Variants in TSPAN1 observed in about 807,000 individuals in gnomAD.
The protein encoded by TSPAN1 is tetraspanin-1.
A neutral mutation model predicts 26.9 loss-of-function variants in TSPAN1; 23 were observed. The ratio of observed to expected loss-of-function variants is 0.85; its 90% confidence interval spans 0.62 to 1.21. The LOEUF is 1.21. Ranked by LOEUF, TSPAN1 falls within the 50% of genes most tolerant of loss-of-function variation. The pLI is 0.00. For synonymous variants in TSPAN1, 115 were observed against 114.8 expected (o/e 1.00, Z -0.01); for missense variants, 283 against 298.4 (o/e 0.95, Z 0.38).
At chr1:46,195,582 C>T in the TSPAN1 span, 1 of 600,394 alleles carries the variant, frequency 1.7e-6, no homozygotes, top group Non-Finnish European at 3.1e-6. Context: ...GGTGGGGACT[C>T]TGTCTTGTTT....
intron 4 of TSPAN1, 75 bp from the exon 5 acceptor site, chr1:46,184,519 C>CA (rs527800949): frequency 4.9e-5 from 77 of 1,561,418 alleles, no homozygotes; most frequent in East Asian, 3.6e-4. Context: ...CTCACTTTTC[C>CA]GGGGGGGGGA....
At chr1:46,194,902 G>C in the TSPAN1 span, 1 of 1,614,144 alleles carries the variant, frequency 6.2e-7, no homozygotes, top group Non-Finnish European at 8.5e-7. Flanking sequence ...GGCCAGCCTG[G>C]CTGCCCAGGC....
intron 3 of TSPAN1, chr1:46,183,964 T>C: frequency 3.4e-6 from 2 of 586,774 alleles, no homozygotes; most frequent in South Asian, 4.1e-5. Flanking sequence ...CTAGAACCCC[T>C]GATCTCCTTT....
At chr1:46,182,326 G>GT (rs2148143142) in intron 3 of TSPAN1, among the ~76,000 whole-genome samples, 1 of 8,574 alleles carries the variant, frequency 1.2e-4, no homozygotes, top group Admixed American at 2.4e-3. Flanking sequence ...AAGCCACTGT[G>GT]AAGGAGATGG....
chr1:46,193,119 CT>C, the TSPAN1 span: 1 of 1,612,520 alleles, frequency 6.2e-7, no homozygotes, highest in Non-Finnish European at 8.5e-7. Flanking sequence ...AGGCCCAGAC[CT>C]TATGCCCATG....
downstream of TSPAN1, chr1:46,190,387 G>T: frequency 1.3e-6 from 2 of 1,482,860 alleles, no homozygotes; most frequent in Non-Finnish European, 1.9e-6. Flanking sequence ...TTTTCATTTT[G>T]CACAGGACCC....
chr1:46,181,012 G>T (rs1336288623), intron 2 of TSPAN1, 88 bp from the exon 3 acceptor site: 4 of 1,121,956 alleles, frequency 3.6e-6, no homozygotes, highest in African/African-American at 3.1e-5. Flanking sequence ...CTGGGGTCTG[G>T]CATATCTGGC....
Position 46,176,489 on chromosome 1 carries a change from G to T in TSPAN1, c.-142+1080G>T, listed in dbSNP as rs969186499. ...GGCCCCATGGGCACAGGGAGCTTCT[G>T]CAGTGTGCCTGGGGGGTGCTGTTGG... On this transcript the variant is annotated intron_variant, in intron 1 of 8. Coordinates refer to ENST00000372003, the MANE Select transcript of TSPAN1 (RefSeq NM_005727.4). 3.3e-6 allele frequency: 5 copies of T among 1,535,098 alleles called. No homozygotes were observed. The African/African-American group carries it at 5.5e-5, about 17-fold the overall frequency.
intron 8 of TSPAN1, 84 bp downstream of exon 8, chr1:46,185,392 A>T (rs1357379977): frequency 6.2e-7 from 1 of 1,608,302 alleles, no homozygotes; most frequent in Non-Finnish European, 8.5e-7. Context: ...TGGAGGAAAC[A>T]GACTTCTAAC....
the TSPAN1 span, chr1:46,195,027 A>G: frequency 7.0e-7 from 1 of 1,426,084 alleles, no homozygotes; most frequent in African/African-American, 1.4e-5. Context: ...CTCACAGAGC[A>G]CGAACTATGT....
the TSPAN1 span, chr1:46,193,817 C>A: frequency 6.2e-7 from 1 of 1,612,616 alleles, no homozygotes; most frequent in Non-Finnish European, 8.5e-7. Flanking sequence ...TAAGCACCCT[C>A]CTGTTCAGTG....
downstream of TSPAN1, chr1:46,189,074 A>C (rs1657535365): frequency 6.6e-7 from 1 of 1,517,980 alleles, no homozygotes; most frequent in Admixed American, 2.2e-5. Flanking sequence ...AAGGAAGTAA[A>C]TAAATAGACT....
At chr1:46,184,088 A>G (rs1657370112) in intron 3 of TSPAN1, 103 bp from the exon 4 acceptor site, 2 of 1,272,664 alleles carry the variant, frequency 1.6e-6, no homozygotes, top group African/African-American at 2.9e-5. Context: ...TCCCTAGCCA[A>G]TAAAGAGGGA....
rs192719654 is a variant in TSPAN1 at position 46,176,076 on chromosome 1, C to T, written c.-142+667C>T. On this transcript the variant is annotated intron_variant, in intron 1 of 8. Coordinates refer to ENST00000372003, the MANE Select transcript of TSPAN1 (RefSeq NM_005727.4). ...ATTTTTAGTAGAGATGGGATTTCAC[C>T]GTGTTAGCCAGGATGGTCTCGATCT... Among the ~76,000 whole-genome samples the T allele has an allele frequency of 5.4e-4, 82 of 152,276 alleles. 1 individual carries two copies. The highest frequency in any genetic ancestry group is 1.2e-3 in the East Asian group (6 of 5,178).
At chr1:46,179,619 G>GA (rs1235132681) in intron 1 of TSPAN1, among the ~76,000 whole-genome samples, 2 of 152,152 alleles carry the variant, frequency 1.3e-5, no homozygotes, top group African/African-American at 4.8e-5. Context: ...TACATCAGGC[G>GA]TGCTGGAGCA....
chr1:46,191,987 T>C, the TSPAN1 span: 14 of 1,454,244 alleles, frequency 9.6e-6, no homozygotes, highest in Middle Eastern at 1.8e-4. Context: ...GATAGCTCTT[T>C]CCCCAAGGTT....
At chr1:46,188,418 G>A (rs1657491030), downstream of TSPAN1, among the ~76,000 whole-genome samples, 1 of 152,190 alleles carries the variant, frequency 6.6e-6, no homozygotes, top group Non-Finnish European at 1.5e-5. Flanking sequence ...CAGGAACCCG[G>A]CTGGTGGTTA....
chr1:46,194,146 G>T, the TSPAN1 span: 1 of 1,570,264 alleles, frequency 6.4e-7, no homozygotes, highest in South Asian at 1.2e-5. Flanking sequence ...CTTTCAGAGC[G>T]CAGTGTAAAT....
chr1:46,194,596 G>C, the TSPAN1 span: 9 of 1,614,158 alleles, frequency 5.6e-6, no homozygotes, highest in Non-Finnish European at 7.6e-6. Flanking sequence ...GCAGGACTGG[G>C]TCCCCCCAGG....
Sources: allele counts gnomAD v4.1 joint callset (sites outside exome capture counted in the v4.1 genomes callset), GRCh38; gene constraint gnomAD v4.1.1; transcripts MANE v1.5; gene names NCBI Gene and HGNC (gene_info 2026-07-23, HGNC 2026-07-21).